RNF121: variants seen among roughly 807,000 people sequenced by gnomAD.
RNF121 encodes E3 ubiquitin ligase RNF121.
A neutral mutation model predicts 46.5 loss-of-function variants in RNF121; 21 were observed. The ratio of observed to expected loss-of-function variants is 0.45; its 90% confidence interval spans 0.32 to 0.65. The LOEUF (loss-of-function observed/expected upper bound fraction) is 0.65. Among genes scored for constraint, RNF121 ranks in the 30% least tolerant of loss-of-function variants. RNF121 has a pLI of 0.04. For missense variants in RNF121, 346 were observed against 416.0 expected, an observed-to-expected ratio of 0.83 and a Z score of 1.46; for synonymous variants, 139 against 144.7, an observed-to-expected ratio of 0.96 and a Z score of 0.28.
chr11:71,944,670 T>TA (rs1953671411), intron 1 of RNF121, among the ~76,000 whole-genome samples: 1 of 152,228 alleles, frequency 6.6e-6, no homozygotes, highest in Non-Finnish European at 1.5e-5. Flanking sequence ...AAGGAGTTCT[T>TA]ACTTTCACAG....
At chr11:71,984,745 ATTTTTTTTTT>A (rs56134788) in intron 4 of RNF121, among the ~76,000 whole-genome samples, 4 of 94,866 alleles carry the variant, frequency 4.2e-5, no homozygotes, top group African/African-American at 1.8e-4. Flanking sequence ...CACCCGGCTA[ATTTTTTTTTT>A]TTTTTTTTTT....
chr11:71,994,484 C>G (rs747467128), intron 6 of RNF121, among the ~76,000 whole-genome samples: 9 of 152,104 alleles, frequency 5.9e-5, no homozygotes, highest in Non-Finnish European at 1.2e-4. Flanking sequence ...TCTAACTTCC[C>G]AACTGTCTCT....
chr11:71,989,715 T>C (rs1272384768), intron 5 of RNF121, among the ~76,000 whole-genome samples: 1 of 152,224 alleles, frequency 6.6e-6, no homozygotes, highest in Non-Finnish European at 1.5e-5. Context: ...TCTGATGTTA[T>C]AGGCAAGATC....
At chr11:71,956,112 A>G (rs560259350) in intron 1 of RNF121, among the ~76,000 whole-genome samples, 2 of 152,318 alleles carry the variant, frequency 1.3e-5, no homozygotes, top group South Asian at 4.1e-4. Flanking sequence ...CTGTGTTACT[A>G]TTTCAAATGT....
chr11:71,973,615 C>T (rs773252928), intron 3 of RNF121, among the ~76,000 whole-genome samples: 23 of 151,912 alleles, frequency 1.5e-4, no homozygotes, highest in Admixed American at 4.6e-4. Context: ...GGTAAAACCC[C>T]GTCTCTACTA....
At chr11:71,933,230 G>A (rs1030903936) in intron 1 of RNF121, among the ~76,000 whole-genome samples, 2 of 152,198 alleles carry the variant, frequency 1.3e-5, no homozygotes, top group Admixed American at 1.3e-4. Context: ...AATAGGGCCA[G>A]CCAGGGCATT....
At chr11:71,972,243 G>A (rs1222720662) in intron 3 of RNF121, among the ~76,000 whole-genome samples, 1 of 152,176 alleles carries the variant, frequency 6.6e-6, no homozygotes, top group Non-Finnish European at 1.5e-5. Context: ...AATGTCTGGG[G>A]TGAGGAATAG....
chr11:71,984,737 C>T (rs1249735072), intron 4 of RNF121, among the ~76,000 whole-genome samples: 1 of 146,132 alleles, frequency 6.8e-6, no homozygotes, highest in African/African-American at 2.6e-5. Flanking sequence ...TGCCGCCACA[C>T]CCGGCTAATT....
intron 1 of RNF121, among the ~76,000 whole-genome samples, chr11:71,942,556 A>G (rs1953600297): frequency 6.6e-6 from 1 of 151,814 alleles, no homozygotes. Context: ...TGAGACTAGG[A>G]GTTTGAGACT....
At position 71,942,229 on chromosome 11, in the gene RNF121, G is replaced by A. The variant is rs116203794; in HGVS notation, c.63+13105G>A. Among the ~76,000 whole-genome samples, 273 of 151,968 alleles carry A rather than the reference G, an allele frequency of 1.8e-3. 1 individual carries two copies. The highest frequency in any genetic ancestry group is 6.2e-3 in the African/African-American group (255 of 41,434). ...ATTACAGGCATGAACCACCGTGCCC[G>A]GCAATGAAAAGATTTTGATTGGGTT... On this transcript the variant is annotated intron_variant, in intron 1 of 8. Transcript: ENST00000361756.
chr11:71,961,771 T>G (rs1415768092), intron 3 of RNF121, among the ~76,000 whole-genome samples: 1 of 152,024 alleles, frequency 6.6e-6, no homozygotes, highest in Non-Finnish European at 1.5e-5. Context: ...TATAGTAAAT[T>G]CACTTTAGGT....
chr11:71,987,074 G>A lies in RNF121; in HGVS notation c.469G>A (p.Val157Ile). ...YATGIVGYMA[V>I]MFTLFGLNLL... ...CACTGGCATTGTTGGCTACATGGCTGTCATGTTTACCCTCTTTGGTCTTAA... is the reference window on the plus strand; with the variant it reads ...CACTGGCATTGTTGGCTACATGGCTATCATGTTTACCCTCTTTGGTCTTAA... The change falls in exon 5 of 9, where the codon GTC becomes ATC. Residue 157 changes from valine to isoleucine, a missense_variant. By Grantham distance (29) the Val-to-Ile change is conservative. This residue lies in a region of RNF121 where 286 missense variants were observed against 383.8 expected (regional missense o/e 0.75). Transcript: ENST00000361756. 6.2e-7 allele frequency: 1 copy of A among 1,613,544 alleles called. No individual in the cohort carries two copies. The highest frequency in any genetic ancestry group is 1.3e-5 in the African/African-American group (1 of 75,016).
At chr11:71,993,007 A>G (rs1954894675) in intron 6 of RNF121, among the ~76,000 whole-genome samples, 1 of 152,182 alleles carries the variant, frequency 6.6e-6, no homozygotes, top group Non-Finnish European at 1.5e-5. Context: ...TTAATCTAGT[A>G]CCGTTTAAGG....
intron 1 of RNF121, among the ~76,000 whole-genome samples, chr11:71,932,402 G>A (rs1004987941): frequency 2.0e-5 from 3 of 152,270 alleles, no homozygotes; most frequent in Non-Finnish European, 4.4e-5. Flanking sequence ...AGGCCTGCCT[G>A]TGCTATATGG....
chr11:71,936,532 G>A (rs967853962), intron 1 of RNF121, among the ~76,000 whole-genome samples: 2 of 152,036 alleles, frequency 1.3e-5, no homozygotes, highest in African/African-American at 4.8e-5. Context: ...TGGGACTACA[G>A]GTGCCTGCCA....
At chr11:71,943,729 C>G (rs1298417217) in intron 1 of RNF121, among the ~76,000 whole-genome samples, 4 of 152,172 alleles carry the variant, frequency 2.6e-5, no homozygotes, top group Non-Finnish European at 4.4e-5. Context: ...TCAGAAAAGA[C>G]TCCCTAGAAG....
chr11:71,931,096 A>C (rs550525897), intron 1 of RNF121, among the ~76,000 whole-genome samples: 6 of 152,212 alleles, frequency 3.9e-5, no homozygotes, highest in African/African-American at 1.2e-4. Flanking sequence ...GTCCTCCCAA[A>C]TGTGCTGGGA....
At chr11:71,955,427 A>G (rs551119831) in intron 1 of RNF121, among the ~76,000 whole-genome samples, 9 of 152,332 alleles carry the variant, frequency 5.9e-5, no homozygotes, top group African/African-American at 2.2e-4. Flanking sequence ...TGATGCTGAT[A>G]CTGCCAGTCC....
intron 7 of RNF121, 68 bp downstream of exon 7, chr11:71,994,920 G>GGT: frequency 1.2e-6 from 2 of 1,604,168 alleles, no homozygotes; most frequent in South Asian, 2.2e-5. Flanking sequence ...GAGAGAGAAA[G>GGT]AGGGTGGTCA....
Sources: allele counts gnomAD v4.1 joint callset (sites outside exome capture counted in the v4.1 genomes callset), GRCh38; gene constraint gnomAD v4.1.1; regional missense constraint gnomAD v4.1.1; transcripts MANE v1.5; gene names NCBI Gene and HGNC (gene_info 2026-07-23, HGNC 2026-07-21).